PDE4D: variants seen among roughly 807,000 people sequenced by gnomAD.
The protein encoded by PDE4D is 3',5'-cyclic-AMP phosphodiesterase 4D.
A neutral mutation model predicts 87.4 loss-of-function variants in PDE4D; 24 were observed. The ratio of observed to expected loss-of-function variants is 0.27; its 90% CI spans 0.20 to 0.39. The LOEUF (loss-of-function observed/expected upper bound fraction) is 0.39. PDE4D is among the 10% of genes least tolerant of loss of function. The pLI, the probability that PDE4D is intolerant of heterozygous loss-of-function variation, is 1.00. For synonymous variants in PDE4D, 384 were observed against 383.2 expected (o/e 1.00, Z -0.02); for missense variants, 714 against 1,041.0 (o/e 0.69, Z 4.32).
chr5:60,278,390 C>A lies in PDE4D; in HGVS notation c.-89-92703G>T, dbSNP rs181560052. Among the ~76,000 whole-genome samples, 116 of 152,132 alleles carry A rather than the reference C, an allele frequency of 7.6e-4. 1 individual carries two copies. Among genetic ancestry groups the A allele is most frequent in the Non-Finnish European group, 1.5e-4 (10 of 67,958 alleles). ...TTTAATTATGAAATGGTATGAATTT[C>A]TTTGGGTTTATCCTGTTTATGGTTC... On this transcript the variant is annotated intron_variant, in intron 1 of 16. Coordinates refer to the PDE4D transcript ENST00000502484.
chr5:59,927,371 G>A (rs575636666), intron 3 of PDE4D, among the ~76,000 whole-genome samples: 4 of 152,128 alleles, frequency 2.6e-5, no homozygotes, highest in South Asian at 4.1e-4. Flanking sequence ...TGAATGTGAC[G>A]AATAACATCC....
chr5:60,484,049 T>C (rs907395735), intron 1 of PDE4D, among the ~76,000 whole-genome samples: 2 of 152,164 alleles, frequency 1.3e-5, no homozygotes, highest in African/African-American at 4.8e-5. Flanking sequence ...TGCTAATTGA[T>C]CTTTCAAATC....
chr5:60,445,062 G>T (rs143363866), intron 1 of PDE4D, among the ~76,000 whole-genome samples: 2 of 152,162 alleles, frequency 1.3e-5, no homozygotes, highest in Admixed American at 1.3e-4. Context: ...AACAAGCAGG[G>T]CGTAACGTGA....
At chr5:59,878,033 G>A (rs901904795) in intron 1 of PDE4D, among the ~76,000 whole-genome samples, 5 of 152,274 alleles carry the variant, frequency 3.3e-5, no homozygotes, top group African/African-American at 1.2e-4. Flanking sequence ...AAAGGCTGGT[G>A]TAGTAGCTTC....
intron 1 of PDE4D, among the ~76,000 whole-genome samples, chr5:59,348,899 C>G (rs372568906): frequency 5.3e-5 from 8 of 151,808 alleles, no homozygotes; most frequent in African/African-American, 1.9e-4. Context: ...TGAGACAAAC[C>G]CGGGCAAAAC....
intron 3 of PDE4D, among the ~76,000 whole-genome samples, chr5:59,900,631 T>G (rs1752161127): frequency 6.6e-6 from 1 of 152,198 alleles, no homozygotes; most frequent in Non-Finnish European, 1.5e-5. Context: ...ACTTTCAAAG[T>G]GACAGATTTG....
At chr5:59,110,048 A>G (rs962008263) in intron 5 of PDE4D, among the ~76,000 whole-genome samples, 4 of 152,156 alleles carry the variant, frequency 2.6e-5, no homozygotes, top group Non-Finnish European at 4.4e-5. Context: ...CAAAACTATG[A>G]CCACTGAGCC....
chr5:59,060,321 G>A (rs1240560288), intron 5 of PDE4D, among the ~76,000 whole-genome samples: 1 of 151,916 alleles, frequency 6.6e-6, no homozygotes, highest in Non-Finnish European at 1.5e-5. Flanking sequence ...TTACATGAAG[G>A]AGAAATATCT....
At chr5:59,329,768 T>G (rs937314215) in intron 1 of PDE4D, among the ~76,000 whole-genome samples, 1 of 152,180 alleles carries the variant, frequency 6.6e-6, no homozygotes, top group African/African-American at 2.4e-5. Flanking sequence ...TGAAACATAG[T>G]AGGTATTCAA....
chr5:59,326,813 A>T (rs1430285971), intron 1 of PDE4D, among the ~76,000 whole-genome samples: 2 of 152,154 alleles, frequency 1.3e-5, no homozygotes, highest in African/African-American at 2.4e-5. Context: ...CCATTGCTTC[A>T]TCTTTAAAGT....
chr5:60,071,642 A>G (rs1772730950), intron 2 of PDE4D, among the ~76,000 whole-genome samples: 1 of 152,098 alleles, frequency 6.6e-6, no homozygotes, highest in African/African-American at 2.4e-5. Flanking sequence ...TTTGTTATAT[A>G]AGTAAGCTTG....
chr5:59,671,683 C>T (rs1747226705), intron 1 of PDE4D, among the ~76,000 whole-genome samples: 1 of 151,694 alleles, frequency 6.6e-6, no homozygotes, highest in South Asian at 2.1e-4. Context: ...TGGTGTGAGC[C>T]CGTAGTCCCA....
chr5:59,508,698 A>C (rs1809725379), intron 1 of PDE4D, among the ~76,000 whole-genome samples: 1 of 152,068 alleles, frequency 6.6e-6, no homozygotes, highest in Admixed American at 6.6e-5. Flanking sequence ...ATGATAAAAA[A>C]TTTAGTAAAT....
chr5:59,239,113 T>C (rs1757111273), intron 1 of PDE4D, among the ~76,000 whole-genome samples: 1 of 152,160 alleles, frequency 6.6e-6, no homozygotes, highest in Admixed American at 6.6e-5. Flanking sequence ...AACAGGCAAA[T>C]GATTTTGAAG....
chr5:59,506,913 C>A (rs1291417543), intron 1 of PDE4D, among the ~76,000 whole-genome samples: 1 of 152,186 alleles, frequency 6.6e-6, no homozygotes, highest in Non-Finnish European at 1.5e-5. Flanking sequence ...CATAATCAAG[C>A]AATTCCACTT....
At chr5:59,855,363 C>T (rs557163046) in intron 1 of PDE4D, among the ~76,000 whole-genome samples, 55 of 152,028 alleles carry the variant, frequency 3.6e-4, no homozygotes, top group Non-Finnish European at 5.9e-4. Context: ...CAAAGATACA[C>T]GTAATAACAA....
chr5:60,189,108 T>G (rs1785010952), intron 1 of PDE4D, among the ~76,000 whole-genome samples: 2 of 152,182 alleles, frequency 1.3e-5, no homozygotes, highest in Non-Finnish European at 2.9e-5. Context: ...CACTCACACG[T>G]GCAATTTCGT....
intron 2 of PDE4D, among the ~76,000 whole-genome samples, chr5:60,180,397 C>G (rs1350484814): frequency 2.6e-5 from 4 of 152,056 alleles, no homozygotes; most frequent in Non-Finnish European, 4.4e-5. Context: ...CTCAAAATAT[C>G]CCTACTAAAC....
At chr5:60,022,990 C>G (rs1344414298) in intron 2 of PDE4D, among the ~76,000 whole-genome samples, 2 of 152,168 alleles carry the variant, frequency 1.3e-5, no homozygotes, top group African/African-American at 4.8e-5. Flanking sequence ...CTGTCACCAG[C>G]TCGGGACATT....
Sources: gnomAD v4.1 joint callset for allele counts (sites outside exome capture counted in the v4.1 genomes callset) on GRCh38, gnomAD v4.1.1 for gene constraint, MANE v1.5 for transcripts, NCBI Gene and HGNC (gene_info 2026-07-23, HGNC 2026-07-21) for gene names.